The following PTPRG variants were observed in gnomAD, a reference collection of about 807,000 sequenced individuals.
PTPRG encodes protein tyrosine phosphatase receptor type G.
PTPRG carries 102 observed loss-of-function variants against 165.3 expected under a neutral mutation model. The ratio of observed to expected loss-of-function variants is 0.62; its 90% CI spans 0.53 to 0.73. The LOEUF is 0.73. Ranked by LOEUF, PTPRG falls within the 30% of genes least tolerant of loss-of-function variation. The pLI is 0.00. For missense variants in PTPRG, 1,866 were observed against 1,861.4 expected (o/e 1.00, Z -0.05); for synonymous variants, 675 against 669.5 (o/e 1.01, Z -0.13).
intron 2 of PTPRG, among the ~76,000 whole-genome samples, chr3:61,756,596 G>T (rs2033642205): frequency 6.6e-6 from 1 of 152,078 alleles, no homozygotes; most frequent in South Asian, 2.1e-4. Flanking sequence ...TGGCACCTGA[G>T]TTCTAAAGTT....
At chr3:61,738,585 G>T (rs1210962703) in intron 1 of PTPRG, among the ~76,000 whole-genome samples, 3 of 149,446 alleles carry the variant, frequency 2.0e-5, no homozygotes, top group East Asian at 3.9e-4. Context: ...TCGCTCTGTT[G>T]CCCAGGCTGG....
intron 2 of PTPRG, among the ~76,000 whole-genome samples, chr3:61,942,568 C>T (rs2039657088): frequency 6.6e-6 from 1 of 152,068 alleles, no homozygotes; most frequent in African/African-American, 2.4e-5. Context: ...ATTCTCCTAA[C>T]CGTTATTTGA....
chr3:62,202,676 C>T (rs777470642), intron 11 of PTPRG, among the ~76,000 whole-genome samples: 9 of 152,332 alleles, frequency 5.9e-5, no homozygotes, highest in East Asian at 3.9e-4. Context: ...CCTCCTTGTC[C>T]ACCCACTTCC....
intron 2 of PTPRG, among the ~76,000 whole-genome samples, chr3:61,930,416 C>T (rs2039329489): frequency 6.6e-6 from 1 of 152,192 alleles, no homozygotes; most frequent in Non-Finnish European, 1.5e-5. Context: ...CCGTCTCCCC[C>T]TGTCTTCTCA....
chr3:61,630,585 T>C (rs772610080), intron 1 of PTPRG, among the ~76,000 whole-genome samples: 5 of 152,176 alleles, frequency 3.3e-5, no homozygotes, highest in Non-Finnish European at 5.9e-5. Flanking sequence ...TTTTTAAGGA[T>C]TGACTCAACT....
intron 2 of PTPRG, among the ~76,000 whole-genome samples, chr3:61,831,812 TAAGAATTGCTGGTTC>T (rs2036303368): frequency 6.6e-6 from 1 of 152,192 alleles, no homozygotes; most frequent in Non-Finnish European, 1.5e-5. Context: ...TAGTTTTTCA[TAAGAATTGCTGGTTC>T]AAACTGTATA....
chr3:61,860,925 A>G (rs1575730108), intron 2 of PTPRG, among the ~76,000 whole-genome samples: 1 of 152,088 alleles, frequency 6.6e-6, no homozygotes, highest in Non-Finnish European at 1.5e-5. Flanking sequence ...TAAGTCCAGC[A>G]CCACAGGCAG....
intron 5 of PTPRG, among the ~76,000 whole-genome samples, chr3:62,084,290 G>A (rs530687639): frequency 1.6e-4 from 24 of 152,250 alleles, no homozygotes; most frequent in Admixed American, 5.9e-4. Flanking sequence ...ACAAACTGTC[G>A]TCACCAACTC....
chr3:62,062,434 G>A (rs1170180487), intron 4 of PTPRG, among the ~76,000 whole-genome samples: 1 of 152,112 alleles, frequency 6.6e-6, no homozygotes, highest in East Asian at 1.9e-4. Context: ...TTTCAGCTTT[G>A]CTCGTATGCT....
At chr3:61,842,388 C>G (rs1446207946) in intron 2 of PTPRG, among the ~76,000 whole-genome samples, 26 of 152,166 alleles carry the variant, frequency 1.7e-4, no homozygotes, top group Admixed American at 1.7e-3. Flanking sequence ...ATCCTTGACT[C>G]AAGTCTTCAG....
chr3:61,785,381 A>C (rs2034663324), intron 2 of PTPRG, among the ~76,000 whole-genome samples: 1 of 152,182 alleles, frequency 6.6e-6, no homozygotes, highest in South Asian at 2.1e-4. Flanking sequence ...TAGAAGAGAG[A>C]TATATTTATA....
In PTPRG at chr3:61,890,423, GTT is replaced by G. The variant is rs11328993; in HGVS notation, c.191-99188_191-99187del. On this transcript the variant is annotated intron_variant, in intron 2 of 29. Transcript: ENST00000474889. ...GTTTCTTGTTCTTTGTTTTTTTTTTGTTTTTTTTTTTTTTTAGGGTCAGGTTT... is the reference window on the plus strand; with the variant it reads ...GTTTCTTGTTCTTTGTTTTTTTTTTGTTTTTTTTTTTTTAGGGTCAGGTTT... Among the ~76,000 whole-genome samples, 1,176 of 119,206 alleles carry G rather than the reference GTT, an allele frequency of 9.9e-3. 15 individuals are homozygous for G. Among genetic ancestry groups the G allele is most frequent in the African/African-American group, 0.034 (1,028 of 30,576 alleles). 78.2% of individuals were successfully genotyped at this position (119,206 alleles called of 152,430 possible). A position where few individuals can be genotyped will look rare whatever the true frequency, so the allele number is the denominator to read the frequency against.
chr3:61,908,048 G>T (rs183181138), intron 2 of PTPRG, among the ~76,000 whole-genome samples: 1 of 143,472 alleles, frequency 7.0e-6, no homozygotes, highest in African/African-American at 2.6e-5. Flanking sequence ...TTGAGCCCAA[G>T]AGTTCGAGGC....
At chr3:62,086,875 T>C (rs35074904) in intron 5 of PTPRG, among the ~76,000 whole-genome samples, 49,608 of 151,694 alleles carry the variant, frequency 0.33, 10,178 homozygotes, top group African/African-American at 0.59. Context: ...CAGCACATCT[T>C]CTTCTGCAAA....
At chr3:62,211,422 C>T (rs532636278) in intron 12 of PTPRG, among the ~76,000 whole-genome samples, 1 of 152,098 alleles carries the variant, frequency 6.6e-6, no homozygotes, top group Non-Finnish European at 1.5e-5. Flanking sequence ...AGATCAGTTG[C>T]GCATCAGTTG....
chr3:61,806,467 G>C (rs545313544), intron 2 of PTPRG, among the ~76,000 whole-genome samples: 1 of 152,182 alleles, frequency 6.6e-6, no homozygotes, highest in Admixed American at 6.5e-5. Context: ...TCGGGTCTGT[G>C]GCTCATTTTA....
intron 5 of PTPRG, among the ~76,000 whole-genome samples, chr3:62,102,866 A>G (rs1199417824): frequency 2.7e-5 from 4 of 149,262 alleles, no homozygotes; most frequent in African/African-American, 2.6e-5. Context: ...CCTACCAGTA[A>G]TTTCTCATGC....
rs146617235 is a variant in PTPRG, at chr3:61,675,046, A to G, written c.86-73832A>G. 2.9e-3 allele frequency among the ~76,000 whole-genome samples: 437 copies of G among 152,320 alleles called. 1 individual carries two copies. Among genetic ancestry groups the G allele is most frequent in the Admixed American group, 4.8e-3 (73 of 15,300 alleles). On this transcript the variant is annotated intron_variant, in intron 1 of 29. Coordinates refer to ENST00000474889, the MANE Select transcript of PTPRG (RefSeq NM_002841.4). The stretch of plus-strand genomic sequence containing the variant: ...ACAAAGCAAGAAACAGCCTAGCATT[A>G]CCCTACCACAGATGTCTGTCACTCA...
intron 2 of PTPRG, among the ~76,000 whole-genome samples, chr3:61,782,887 C>T (rs1033163502): frequency 2.0e-5 from 3 of 152,100 alleles, no homozygotes; most frequent in African/African-American, 4.8e-5. Flanking sequence ...ACTGAAGCCT[C>T]AAACTCCTGG....
Sources: allele counts gnomAD v4.1 joint callset (sites outside exome capture counted in the v4.1 genomes callset), GRCh38; gene constraint gnomAD v4.1.1; transcripts MANE v1.5; gene names NCBI Gene and HGNC (gene_info 2026-07-23, HGNC 2026-07-21).